Variants in DRAM1 observed in about 807,000 individuals in gnomAD.
DRAM1 encodes the protein DNA damage regulated autophagy modulator 1.
A neutral mutation model predicts 28.5 loss-of-function variants in DRAM1; 25 were observed. That is an observed-to-expected ratio of 0.88 (90% CI 0.64 to 1.23). The LOEUF is 1.23. Among genes scored for constraint, DRAM1 ranks in the 50% most tolerant of loss-of-function variants. The pLI is 0.00. For synonymous variants in DRAM1, 113 were observed against 114.2 expected, an observed-to-expected ratio of 0.99 and a Z score of 0.07; for missense variants, 249 against 299.2, an observed-to-expected ratio of 0.83 and a Z score of 1.24.
chr12:101,909,990 A>G (rs1475569696), intron 4 of DRAM1, among the ~76,000 whole-genome samples: 1 of 152,222 alleles, frequency 6.6e-6, no homozygotes, highest in African/African-American at 2.4e-5. Flanking sequence ...TTACGGTATA[A>G]AGTGGGCAAG....
chr12:101,919,247 C>T (rs1874376773), intron 5 of DRAM1, among the ~76,000 whole-genome samples: 1 of 151,824 alleles, frequency 6.6e-6, no homozygotes, highest in African/African-American at 2.4e-5. Context: ...GGAGATATCA[C>T]ACACAGACAC....
At chr12:101,899,211 A>AT (rs1873500517) in intron 2 of DRAM1, among the ~76,000 whole-genome samples, 1 of 152,192 alleles carries the variant, frequency 6.6e-6, no homozygotes, top group Non-Finnish European at 1.5e-5. Context: ...GGAGGTGAGC[A>AT]AGGGGAAGTA....
chr12:101,903,346 A>G (rs1449164115), intron 3 of DRAM1, among the ~76,000 whole-genome samples: 2 of 152,204 alleles, frequency 1.3e-5, no homozygotes, highest in African/African-American at 4.8e-5. Context: ...ATTTTCCCTC[A>G]GAAAGTTTTC....
rs570083124 is a variant in DRAM1, at chr12:101,913,020, G to A, written c.521-1154G>A. Among the ~76,000 whole-genome samples, 7 of 152,208 alleles carry A rather than the reference G, an allele frequency of 4.6e-5. No individual in the cohort carries two copies. The South Asian group carries it at 1.0e-3, about 23-fold the overall frequency. ...TGGGATTACAGGTGTGAGCCACTGCGCCCGGCCTAACATTTTGAATTTCTA... is the reference window on the plus strand; with the variant it reads ...TGGGATTACAGGTGTGAGCCACTGCACCCGGCCTAACATTTTGAATTTCTA... On this transcript the variant is annotated intron_variant, in intron 4 of 6. Transcript: ENST00000258534.
chr12:101,887,109 C>G (rs547469408), intron 1 of DRAM1, among the ~76,000 whole-genome samples: 1 of 146,730 alleles, frequency 6.8e-6, no homozygotes, highest in South Asian at 2.1e-4. Context: ...TGTGCCATTG[C>G]ACTCCAGCCT....
At chr12:101,890,081 T>C (rs1457115088) in intron 1 of DRAM1, 1 of 452,238 alleles carries the variant, frequency 2.2e-6, no homozygotes, top group Non-Finnish European at 4.4e-6. Flanking sequence ...TCTTTTTTGA[T>C]TTTTATTTAT....
intron 1 of DRAM1, among the ~76,000 whole-genome samples, chr12:101,886,802 C>A (rs143510396): frequency 2.6e-5 from 4 of 152,238 alleles, no homozygotes; most frequent in African/African-American, 9.6e-5. Flanking sequence ...TAATGCAATA[C>A]ATATTAACTG....
At chr12:101,911,868 T>C (rs778548065) in intron 4 of DRAM1, among the ~76,000 whole-genome samples, 2 of 152,220 alleles carry the variant, frequency 1.3e-5, no homozygotes, top group Non-Finnish European at 2.9e-5. Flanking sequence ...GTATATCTTA[T>C]ATTGACAATA....
intron 1 of DRAM1, among the ~76,000 whole-genome samples, chr12:101,894,822 A>G (rs1303444000): frequency 6.6e-6 from 1 of 152,042 alleles, no homozygotes; most frequent in Non-Finnish European, 1.5e-5. Context: ...CAGGCAAACA[A>G]CCTTCTTCCC....
At chr12:101,878,386 G>T (rs1204361900) in intron 1 of DRAM1, among the ~76,000 whole-genome samples, 1 of 152,178 alleles carries the variant, frequency 6.6e-6, no homozygotes, top group African/African-American at 2.4e-5. Flanking sequence ...TAAAGTTGAT[G>T]AAATATCATC....
chr12:101,877,752 G>C lies in DRAM1; in HGVS notation c.-38G>C. 7.1e-7 allele frequency: 1 copy of C among 1,415,146 alleles called. No homozygotes were observed. Among genetic ancestry groups the C allele is most frequent in the Non-Finnish European group, 9.3e-7 (1 of 1,078,008 alleles). The allele number at this position is 1,415,146 out of a possible 1,614,324, so 87.7% of individuals were successfully genotyped here. ...CCGGAGCAACCCGGCGCCCGGCCCC[G>C]CTGGGCGCAGCACTCCGTCGGCGGC... On this transcript the variant is annotated 5_prime_UTR_variant, in exon 1 of 7. Transcript: ENST00000258534. The surrounding 1 kb of genome is among the most constrained non-coding windows in gnomAD (Gnocchi z 4.1).
At chr12:101,909,052 G>A (rs1320823952) in intron 4 of DRAM1, among the ~76,000 whole-genome samples, 4 of 151,948 alleles carry the variant, frequency 2.6e-5, no homozygotes, top group African/African-American at 2.4e-5. Flanking sequence ...ACCTGAGGTT[G>A]AGAGTTCAAG....
intron 1 of DRAM1, among the ~76,000 whole-genome samples, chr12:101,893,391 A>G (rs1171730788): frequency 6.6e-6 from 1 of 152,162 alleles, no homozygotes; most frequent in Non-Finnish European, 1.5e-5. Flanking sequence ...TATTTTCACC[A>G]TGGAAGTTGG....
intron 4 of DRAM1, among the ~76,000 whole-genome samples, chr12:101,909,060 A>G (rs1295878402): frequency 2.0e-5 from 3 of 151,940 alleles, no homozygotes. Context: ...TTGAGAGTTC[A>G]AGACCAGCCT....
intron 1 of DRAM1, among the ~76,000 whole-genome samples, chr12:101,888,914 C>T (rs1029170115): frequency 2.0e-5 from 3 of 149,902 alleles, no homozygotes; most frequent in African/African-American, 7.4e-5. Context: ...AAGTGATCCT[C>T]CTACCTCAGC....
At chr12:101,886,699 T>A (rs555169666) in intron 1 of DRAM1, among the ~76,000 whole-genome samples, 2 of 152,212 alleles carry the variant, frequency 1.3e-5, no homozygotes, top group Non-Finnish European at 2.9e-5. Flanking sequence ...CTCTTACCCA[T>A]GTCTTTGTAT....
In DRAM1 at chr12:101,877,982, C is replaced by A; in HGVS notation, c.131+62C>A. On this transcript the variant is annotated intron_variant, in intron 1 of 6. Transcript: ENST00000258534. This position sits in a 1 kb window ranked among gnomAD's most constrained non-coding sequence, Gnocchi z 4.1. ...GGCACAGGGACCACAGGGAGCGCTG[C>A]CGACGGGGAGGGAAGGCGTCCGGAC... 7.3e-7 allele frequency: 1 copy of A among 1,375,692 alleles called. No homozygotes were observed. Among genetic ancestry groups the A allele is most frequent in the Non-Finnish European group, 9.5e-7 (1 of 1,048,916 alleles). 85.2% of individuals were successfully genotyped at this position (1,375,692 alleles called of 1,614,324 possible).
intron 1 of DRAM1, among the ~76,000 whole-genome samples, chr12:101,883,048 G>A (rs1224697862): frequency 7.3e-5 from 11 of 150,820 alleles, no homozygotes; most frequent in South Asian, 6.6e-4. Flanking sequence ...AGATTTTTAC[G>A]TCAATACACT....
At chr12:101,914,719 G>A (rs1365505089) in intron 5 of DRAM1, among the ~76,000 whole-genome samples, 3 of 150,928 alleles carry the variant, frequency 2.0e-5, no homozygotes, top group East Asian at 2.0e-4. Context: ...GTGAAGTGGC[G>A]TGATCTCAGC....
Sources: allele counts gnomAD v4.1 joint callset (sites outside exome capture counted in the v4.1 genomes callset), GRCh38; gene constraint gnomAD v4.1.1; non-coding constraint Gnocchi (gnomAD v3.1); transcripts MANE v1.5; gene names NCBI Gene and HGNC (gene_info 2026-07-23, HGNC 2026-07-21).